Variants in CCDC42 observed in about 807,000 individuals in gnomAD.
CCDC42 encodes coiled-coil domain containing 42, also known as coiled-coil domain-containing protein 42.
In CCDC42, 38 loss-of-function variants were observed where a neutral mutation model predicts 40.8. That is an observed-to-expected ratio of 0.93 (90% CI 0.72 to 1.22). The LOEUF (loss-of-function observed/expected upper bound fraction) is 1.22. Among genes scored for constraint, CCDC42 ranks in the 50% most tolerant of loss-of-function variants. The pLI, the probability that CCDC42 is intolerant of heterozygous loss-of-function variation, is 0.00. For synonymous variants in CCDC42, 135 were observed against 157.5 expected (o/e 0.86, Z 1.07); for missense variants, 379 against 416.5 (o/e 0.91, Z 0.78).
chr17:8,730,444 A>G (rs2086573485), intron 6 of CCDC42, among the ~76,000 whole-genome samples: 1 of 152,146 alleles, frequency 6.6e-6, no homozygotes, highest in Non-Finnish European at 1.5e-5. Context: ...GGTTTAAGCA[A>G]TTCTCGTGTC....
Position 8,735,679 on chromosome 17 carries a change from C to A in CCDC42, c.493-68G>T. On this transcript the variant is annotated intron_variant, in intron 4 of 6. Transcript: ENST00000293845. This position sits in a 1 kb window ranked among gnomAD's most constrained non-coding sequence, Gnocchi z 4.7. ...GCCTGAGGGAGCCACCCAGTCCTGC[C>A]AACCTCCAGCCTGGATGCCTGGACA... is the stretch of plus-strand genomic sequence containing the variant. 1 of 1,364,316 alleles carries A rather than the reference C, an allele frequency of 7.3e-7. No individual in the cohort carries two copies. Among genetic ancestry groups the A allele is most frequent in the Non-Finnish European group, 1.0e-6 (1 of 990,708 alleles). 84.5% of individuals were successfully genotyped at this position (1,364,316 alleles called of 1,614,324 possible).
intron 4 of CCDC42, among the ~76,000 whole-genome samples, chr17:8,739,154 C>T (rs1013791356): frequency 7.3e-5 from 11 of 151,616 alleles, no homozygotes; most frequent in African/African-American, 2.7e-4. Flanking sequence ...ACAGGCTGGC[C>T]AGGAACGACG....
chr17:8,742,456 C>T (rs2086651093), intron 3 of CCDC42, among the ~76,000 whole-genome samples: 1 of 152,204 alleles, frequency 6.6e-6, no homozygotes, highest in Non-Finnish European at 1.5e-5. Flanking sequence ...CAGAACGAGG[C>T]TCAGTTACCG....
At position 8,735,364 on chromosome 17, in the gene CCDC42, C is replaced by T. The variant is rs549310973; in HGVS notation, c.714+26G>A. ...CCCGCACTCACCCAGTGCCTGGGAG[C>T]CCCCGGCCCGCCCCGGGCCCCTCAC... On this transcript the variant is annotated intron_variant, in intron 5 of 6. Transcript: ENST00000293845. This position sits in a 1 kb window ranked among gnomAD's most constrained non-coding sequence, Gnocchi z 4.7. 3 of 1,611,066 alleles carry T rather than the reference C, an allele frequency of 1.9e-6. No homozygotes were observed. The highest frequency in any genetic ancestry group is 1.7e-5 in the Admixed American group (1 of 59,940).
chr17:8,737,908 T>G (rs932861878), intron 4 of CCDC42, among the ~76,000 whole-genome samples: 1 of 152,250 alleles, frequency 6.6e-6, no homozygotes, highest in Non-Finnish European at 1.5e-5. Context: ...CCTGACCTCC[T>G]GGGCTCACGC....
chr17:8,740,413 C>T (rs989129531), intron 4 of CCDC42, among the ~76,000 whole-genome samples: 1 of 149,150 alleles, frequency 6.7e-6, no homozygotes, highest in East Asian at 2.0e-4. Flanking sequence ...ACTTGAAAAC[C>T]GGAAGGTGGA....
intron 4 of CCDC42, among the ~76,000 whole-genome samples, chr17:8,737,510 G>A (rs2086619255): frequency 6.6e-6 from 1 of 152,164 alleles, no homozygotes; most frequent in South Asian, 2.1e-4. Flanking sequence ...TTCTCTGCGA[G>A]ACCCACATAG....
chr17:8,741,455 C>A lies in CCDC42; in HGVS notation c.492+19G>T. The A allele has an allele frequency of 6.2e-7, 1 of 1,612,778 alleles. No individual in the cohort carries two copies. Among genetic ancestry groups the A allele is most frequent in the Non-Finnish European group, 8.5e-7 (1 of 1,178,834 alleles). ...CTGAGGAAGGTGCCAGGGCCGGCCC[C>A]CCTGCTCCTTGGACTCACCTCGGAG... On this transcript the variant is annotated intron_variant, in intron 4 of 6. Transcript: ENST00000293845.
At chr17:8,741,772 C>T in intron 3 of CCDC42, 101 bp from the exon 4 acceptor site, 2 of 1,145,086 alleles carry the variant, frequency 1.7e-6, no homozygotes, top group East Asian at 2.5e-5. Flanking sequence ...CCTCTGTCTG[C>T]ACAAACCATC....
chr17:8,741,430 C>A, intron 4 of CCDC42, 44 bp downstream of exon 4: 1 of 1,579,500 alleles, frequency 6.3e-7, no homozygotes, highest in Non-Finnish European at 8.7e-7. Flanking sequence ...AGAGGTGGGG[C>A]TGAGGAAGGT....
In CCDC42 at chr17:8,732,298, CAAAAA is replaced by C. The variant is rs58310263; in HGVS notation, c.874-2096_874-2092del. The stretch of plus-strand genomic sequence containing the variant: ...TGGGCGACAGAGTGAGACTCCGTCT[CAAAAA>C]AAAAAAAAAAAAAAAAAAAACCTGC... On this transcript the variant is annotated intron_variant, in intron 6 of 6. Transcript: ENST00000293845. Among the ~76,000 whole-genome samples, 11 of 71,578 alleles carry C rather than the reference CAAAAA, an allele frequency of 1.5e-4. No individual in the cohort carries two copies. The East Asian group carries it at 1.8e-3, about 12-fold the overall frequency. The allele number at this position is 71,578 out of a possible 152,430, so 47.0% of individuals were successfully genotyped here. A position where few individuals can be genotyped will look rare whatever the true frequency, so the allele number is the denominator to read the frequency against.
rs2086643137 is a variant in CCDC42 at position 8,741,471 on chromosome 17, C to T, written c.492+3G>A. ...GGCCGGCCCCCCTGCTCCTTGGACT[C>T]ACCTCGGAGTTCTCCACCACCTTCT... is the stretch of plus-strand genomic sequence containing the variant. On this transcript the variant is annotated splice_donor_region_variant and intron_variant, in intron 4 of 6. Coordinates refer to ENST00000293845, the MANE Select transcript of CCDC42 (RefSeq NM_144681.3). 1 of 1,614,060 alleles carries T rather than the reference C, an allele frequency of 6.2e-7. No homozygotes were observed. Among genetic ancestry groups the T allele is most frequent in the Non-Finnish European group, 8.5e-7 (1 of 1,179,930 alleles).
chr17:8,731,299 C>G (rs900657009), intron 6 of CCDC42, among the ~76,000 whole-genome samples: 18 of 152,140 alleles, frequency 1.2e-4, no homozygotes, highest in African/African-American at 4.1e-4. Flanking sequence ...GTTCATACAC[C>G]GTTGGTGGAA....
chr17:8,741,810 AC>A, intron 3 of CCDC42, 139 bp from the exon 4 acceptor site: 2 of 777,468 alleles, frequency 2.6e-6, no homozygotes, highest in Non-Finnish European at 4.1e-6. Flanking sequence ...TTGCTGGGCC[AC>A]CCATGGGGCA....
At chr17:8,741,423 G>A in intron 4 of CCDC42, 51 bp downstream of exon 4, 1 of 1,552,036 alleles carries the variant, frequency 6.4e-7, no homozygotes, top group Non-Finnish European at 8.9e-7. Flanking sequence ...GGGGAAGAGA[G>A]GTGGGGCTGA....
rs1249549611 is a variant in CCDC42 at position 8,743,537 on chromosome 17, G to A, written c.294+89C>T. ...GATGCTTTTTAACTCAGGGCGAGGA[G>A]TCAGCAGAAGCAAGGAGGAGGAGTG... On this transcript the variant is annotated intron_variant, in intron 3 of 6. Transcript: ENST00000293845. The A allele has an allele frequency of 4.9e-6, 4 of 810,542 alleles. No homozygotes were observed. In the African/African-American group the frequency reaches 6.7e-5, roughly 14 times the overall value. The allele number at this position is 810,542 out of a possible 1,614,324, so 50.2% of individuals were successfully genotyped here.
intron 6 of CCDC42, 149 bp downstream of exon 6, chr17:8,734,947 C>G: frequency 1.3e-6 from 1 of 766,502 alleles, no homozygotes; most frequent in Non-Finnish European, 2.1e-6. Context: ...CCCAGTAATA[C>G]TCCTCACCCT....
chr17:8,744,531 G>T lies in CCDC42; in HGVS notation c.79C>A (p.Leu27Ile), dbSNP rs1193379148. 7 of 1,610,796 alleles carry T rather than the reference G, an allele frequency of 4.3e-6. No homozygotes were observed. Among genetic ancestry groups the T allele is most frequent in the Middle Eastern group, 1.6e-4 (1 of 6,080 alleles). The change falls in exon 1 of 7, where the codon CTC becomes ATC. Residue 27 changes from leucine (L) to isoleucine (I), a missense_variant. By Grantham distance (5) the Leu-to-Ile change is conservative. Transcript: ENST00000293845. ...AGCCAGGCCTCAGACACTCACTGGA[G>T]CATCTGCAGCAGCCGCTCCCCATAC... ...LQYGERLLQM[L>I]QKLPNVEGAS...
chr17:8,731,824 G>A (rs2152141743), intron 6 of CCDC42, among the ~76,000 whole-genome samples: 1 of 152,298 alleles, frequency 6.6e-6, no homozygotes. Context: ...CCTGAGTGAT[G>A]AAATAACCTG....
Sources: gnomAD v4.1 joint callset for allele counts (sites outside exome capture counted in the v4.1 genomes callset) on GRCh38, gnomAD v4.1.1 for gene constraint, Gnocchi (gnomAD v3.1) non-coding constraint, MANE v1.5 for transcripts, NCBI Gene and HGNC (gene_info 2026-07-23, HGNC 2026-07-21) for gene names.